The following CEP78 variants were observed in gnomAD, a reference collection of about 807,000 sequenced individuals.
CEP78 encodes the protein centrosomal protein of 78 kDa.
In CEP78, 76 loss-of-function variants were observed where a neutral mutation model predicts 81.2. That is an observed-to-expected ratio of 0.94 (90% CI 0.78 to 1.13). The LOEUF (loss-of-function observed/expected upper bound fraction) is 1.13. Among genes scored for constraint, CEP78 ranks in the 50% most tolerant of loss-of-function variants. The pLI is 0.00. For missense variants in CEP78, 918 were observed against 846.8 expected (o/e 1.08, Z -1.04); for synonymous variants, 293 against 301.4 (o/e 0.97, Z 0.29).
intron 5 of CEP78, 146 bp downstream of exon 5, chr9:78,243,782 A>G (rs998250324): frequency 3.6e-6 from 2 of 554,658 alleles, no homozygotes; most frequent in Non-Finnish European, 5.9e-6. Context: ...AGCCTTTATA[A>G]AAGTTATATA....
At position 78,273,618 on chromosome 9, in the gene CEP78, A is replaced by T. The variant is rs2118543666; in HGVS notation, c.*2767A>T. On this transcript the variant is annotated 3_prime_UTR_variant, in exon 17 of 17. Coordinates refer to ENST00000643273, the MANE Select transcript of CEP78 (RefSeq NM_001330691.3). ...AAAAATTAGCTGGGTGTCATGGCGCATGCCTGTAATCCCAGCTACTCGGGA... is the reference window on the plus strand; with the variant it reads ...AAAAATTAGCTGGGTGTCATGGCGCTTGCCTGTAATCCCAGCTACTCGGGA... The T allele has an allele frequency of 6.6e-6, 1 of 151,646 alleles. No homozygotes were observed. Among genetic ancestry groups the T allele is most frequent in the African/African-American group, 2.4e-5 (1 of 41,352 alleles). 9.4% of individuals were successfully genotyped at this position (151,646 alleles called of 1,614,324 possible).
chr9:78,246,108 T>A (rs1826466264), intron 5 of CEP78, among the ~76,000 whole-genome samples: 1 of 152,208 alleles, frequency 6.6e-6, no homozygotes, highest in African/African-American at 2.4e-5. Context: ...AATTGTAAAA[T>A]ATGTTGGGTA....
chr9:78,238,655 A>G (rs1183770376), intron 1 of CEP78, among the ~76,000 whole-genome samples: 2 of 152,180 alleles, frequency 1.3e-5, no homozygotes, highest in African/African-American at 4.8e-5. Context: ...CTGCAAGGAC[A>G]GTTCAACACA....
rs1327892907 is a variant in CEP78, at chr9:78,248,871, T to C, written c.1067T>C (p.Ile356Thr). 4 of 1,498,840 alleles carry C rather than the reference T, an allele frequency of 2.7e-6. No individual in the cohort carries two copies. The highest frequency in any genetic ancestry group is 1.9e-5 in the Admixed American group (1 of 52,526). 92.8% of individuals were successfully genotyped at this position (1,498,840 alleles called of 1,614,324 possible). Reference protein sequence around the residue: ...SGHKGKATIRIGLATKKPVSS... With the variant: ...SGHKGKATIRTGLATKKPVSS... ...CACAAAGGAAAAGCTACTATTAGAA[T>C]TGGTAACCTTTTCTGTCTTGGCTTT... is the stretch of plus-strand genomic sequence containing the variant. The change falls in exon 8 of 17, where the codon ATT becomes ACT. Residue 356 changes from isoleucine to threonine, a missense_variant and splice_region_variant. By Grantham distance (89) the Ile-to-Thr change is moderately conservative. Transcript: ENST00000643273.
At chr9:78,246,330 T>A (rs1242479151) in intron 5 of CEP78, among the ~76,000 whole-genome samples, 1 of 152,100 alleles carries the variant, frequency 6.6e-6, no homozygotes, top group African/African-American at 2.4e-5. Context: ...CCGGGCGAGG[T>A]GGCTCACGCC....
rs199823711 is a variant in CEP78 at position 78,241,677 on chromosome 9, G to GT, written c.500-10dup. On this transcript the variant is annotated intron_variant, in intron 3 of 16. Coordinates refer to ENST00000643273, the MANE Select transcript of CEP78 (RefSeq NM_001330691.3). ...TATGCTCTTCATCTTATTGTATGTG[G>GT]TTTTTTTTTCCATTTTAGTTATTTG... 7.4e-3 allele frequency: 8,945 copies of GT among 1,208,212 alleles called. 174 individuals carry two copies. The African/African-American group carries it at 0.075, about 10-fold the overall frequency. 74.8% of individuals were successfully genotyped at this position (1,208,212 alleles called of 1,614,324 possible). A position where few individuals can be genotyped will look rare whatever the true frequency, so the allele number is the denominator to read the frequency against.
At chr9:78,263,016 T>C in intron 12 of CEP78, 32 bp downstream of exon 12, 1 of 1,431,028 alleles carries the variant, frequency 7.0e-7, no homozygotes, top group Admixed American at 2.3e-5. Flanking sequence ...TTTTGAGAGT[T>C]TTTTGTTTTG....
In CEP78 at chr9:78,236,222, G is replaced by A. The variant is rs1156438652; in HGVS notation, c.-129G>A. The A allele has an allele frequency of 1.0e-5, 8 of 801,302 alleles. No individual in the cohort carries two copies. In the East Asian group the frequency reaches 2.3e-4, roughly 23 times the overall value. The allele number at this position is 801,302 out of a possible 1,614,324, so 49.6% of individuals were successfully genotyped here. A position where few individuals can be genotyped will look rare whatever the true frequency, so the allele number is the denominator to read the frequency against. On this transcript the variant is annotated 5_prime_UTR_variant, in exon 1 of 17. Transcript: ENST00000643273. ...GTCTTCCGACCGAATCACCGCTCCT[G>A]AGCCCGGTGCGGGGCTGCCGCTATC...
At chr9:78,248,379 G>T in intron 7 of CEP78, 24 bp downstream of exon 7, 1 of 1,462,530 alleles carries the variant, frequency 6.8e-7, no homozygotes, top group South Asian at 1.1e-5. Context: ...TATTTCTCCA[G>T]AAAGAATTCT....
rs1827776988 is a variant in CEP78, at chr9:78,275,231, T to C, written c.*4380T>C. Reference sequence around the variant, plus strand: ...AAATGTGACTGTTTAAAAATATGGATTGTAAAAATTGATAAAAAATAGAAA... The same window carrying C: ...AAATGTGACTGTTTAAAAATATGGACTGTAAAAATTGATAAAAAATAGAAA... On this transcript the variant is annotated 3_prime_UTR_variant, in exon 17 of 17. Coordinates refer to ENST00000643273, the MANE Select transcript of CEP78 (RefSeq NM_001330691.3). 6.6e-6 allele frequency: 1 copy of C among 152,136 alleles called. No homozygotes were observed. The allele number at this position is 152,136 out of a possible 1,614,324, so 9.4% of individuals were successfully genotyped here.
At position 78,264,219 on chromosome 9, in the gene CEP78, T is replaced by C. The variant is rs753347613; in HGVS notation, c.1528T>C (p.Leu510=). ...SLSEALHAQS[L]TNMILDDEGV... The stretch of plus-strand genomic sequence containing the variant: ...GTCTGAAGCCCTTCATGCACAGTCA[T>C]TGACAAATATGATCCTGGATGATGA... The change falls in exon 13 of 17, where the codon TTG becomes CTG. Residue 510 remains leucine (L), a synonymous_variant. Transcript: ENST00000643273. 6.2e-7 allele frequency: 1 copy of C among 1,608,654 alleles called. No homozygotes were observed. The highest frequency in any genetic ancestry group is 2.3e-5 in the East Asian group (1 of 44,412).
At chr9:78,266,404 T>A (rs755901203) in intron 15 of CEP78, 38 bp from the exon 16 acceptor site, 1 of 1,485,942 alleles carries the variant, frequency 6.7e-7, no homozygotes, top group South Asian at 1.2e-5. Flanking sequence ...TGGATGGCTT[T>A]GTTTGTCACT....
chr9:78,254,884 G>C lies in CEP78; in HGVS notation c.1300G>C (p.Glu434Gln). ...GACAGTAGAGAGTCCTTCATCCTCT[G>C]AAGTTGAAGAGGTTGATGATTCTTC... ...TVTVESPSSS[E>Q]VEEVDDSSES... The change falls in exon 11 of 17, where the codon GAA becomes CAA. Residue 434 changes from glutamate (E) to glutamine (Q), a missense_variant. Physicochemically the swap from Glu to Gln is conservative, Grantham distance 29. Coordinates refer to ENST00000643273, the MANE Select transcript of CEP78 (RefSeq NM_001330691.3). 1.2e-6 allele frequency: 2 copies of C among 1,610,098 alleles called. No individual in the cohort carries two copies. Among genetic ancestry groups the C allele is most frequent in the Non-Finnish European group, 1.7e-6 (2 of 1,176,822 alleles).
chr9:78,255,747 T>C (rs1826990559), intron 11 of CEP78, among the ~76,000 whole-genome samples: 1 of 152,234 alleles, frequency 6.6e-6, no homozygotes, highest in South Asian at 2.1e-4. Flanking sequence ...TGTAGAATTG[T>C]CCCTATTATA....
rs1213432817 is a variant in CEP78 at position 78,266,676 on chromosome 9, T to C, written c.2080T>C (p.Ser694Pro). The C allele has an allele frequency of 6.2e-7, 1 of 1,612,114 alleles. No individual in the cohort carries two copies. The highest frequency in any genetic ancestry group is 1.7e-5 in the Admixed American group (1 of 59,708). Reference sequence around the variant, plus strand: ...AGAGGAGTTGTCCAGAAATAGCAGATCTTCTTCAGAGAAAAAGACCAAAAC... The same window carrying C: ...AGAGGAGTTGTCCAGAAATAGCAGACCTTCTTCAGAGAAAAAGACCAAAAC... ...KEEELSRNSR[S>P]SSEKKTKTES... Residue 694 changes from serine (S) to proline (P), a missense_variant, in exon 16 of 17, where the codon TCT (serine) becomes CCT (proline). By Grantham distance (74) the Ser-to-Pro change is moderately conservative (BLOSUM62 -1). Coordinates refer to ENST00000643273, the MANE Select transcript of CEP78 (RefSeq NM_001330691.3).
At chr9:78,238,007 C>G (rs1374643725) in intron 1 of CEP78, among the ~76,000 whole-genome samples, 1 of 148,974 alleles carries the variant, frequency 6.7e-6, no homozygotes, top group East Asian at 2.0e-4. Context: ...CACCTGTAAT[C>G]CCAGCTACTT....
chr9:78,241,677 G>T lies in CEP78; in HGVS notation c.500-19G>T, dbSNP rs755863103. The stretch of plus-strand genomic sequence containing the variant: ...TATGCTCTTCATCTTATTGTATGTG[G>T]TTTTTTTTTCCATTTTAGTTATTTG... On this transcript the variant is annotated intron_variant, in intron 3 of 16. Coordinates refer to ENST00000643273, the MANE Select transcript of CEP78 (RefSeq NM_001330691.3). 2.7e-5 allele frequency: 33 copies of T among 1,220,836 alleles called. No individual in the cohort carries two copies. Among genetic ancestry groups the T allele is most frequent in the Admixed American group, 7.8e-5 (4 of 51,394 alleles). The allele number at this position is 1,220,836 out of a possible 1,614,324, so 75.6% of individuals were successfully genotyped here. A position where few individuals can be genotyped will look rare whatever the true frequency, so the allele number is the denominator to read the frequency against.
chr9:78,254,775 T>G, intron 10 of CEP78, 61 bp from the exon 11 acceptor site: 1 of 1,352,836 alleles, frequency 7.4e-7, no homozygotes, highest in African/African-American at 1.5e-5. Context: ...TTTGATTAGA[T>G]GTCCTTTAGT....
intron 1 of CEP78, among the ~76,000 whole-genome samples, chr9:78,239,026 C>G (rs1157416471): frequency 6.6e-6 from 1 of 151,700 alleles, no homozygotes; most frequent in Non-Finnish European, 1.5e-5. Context: ...AACCAGGAAC[C>G]AAAATAAATT....
Sources: gnomAD v4.1 joint callset for allele counts (sites outside exome capture counted in the v4.1 genomes callset) on GRCh38, gnomAD v4.1.1 for gene constraint, MANE v1.5 for transcripts, NCBI Gene and HGNC (gene_info 2026-07-23, HGNC 2026-07-21) for gene names.